Variants in NRG1 observed in about 807,000 individuals in gnomAD.
NRG1 encodes pro-neuregulin-1, membrane-bound isoform.
A neutral mutation model predicts 63.8 loss-of-function variants in NRG1; 18 were observed. That is an observed-to-expected ratio of 0.28 (90% CI 0.19 to 0.42). The LOEUF is 0.42. NRG1 is among the 10% of genes least tolerant of loss of function. The pLI is 1.00. For synonymous variants in NRG1, 302 were observed against 301.3 expected (o/e 1.00, Z -0.02); for missense variants, 762 against 814.7 (o/e 0.94, Z 0.79).
intron 1 of NRG1, among the ~76,000 whole-genome samples, chr8:32,038,474 CAG>C (rs1313593107): frequency 2.0e-5 from 3 of 152,134 alleles, no homozygotes; most frequent in Non-Finnish European, 4.4e-5. Flanking sequence ...CTGCAAGAAA[CAG>C]AACCGAATGA....
At chr8:32,021,349 T>G (rs1816411165) in intron 1 of NRG1, among the ~76,000 whole-genome samples, 1 of 152,178 alleles carries the variant, frequency 6.6e-6, no homozygotes, top group Non-Finnish European at 1.5e-5. Context: ...GATGCAGACA[T>G]GTGTGAAGAG....
At chr8:32,253,126 T>A (rs1849307540) in intron 1 of NRG1, among the ~76,000 whole-genome samples, 1 of 152,212 alleles carries the variant, frequency 6.6e-6, no homozygotes, top group South Asian at 2.1e-4. Context: ...AAATGTACAA[T>A]CATGTCATCT....
At chr8:32,683,384 C>T (rs1288302542) in intron 5 of NRG1, among the ~76,000 whole-genome samples, 2 of 152,120 alleles carry the variant, frequency 1.3e-5, no homozygotes, top group African/African-American at 2.4e-5. Context: ...TGTCAGTCTT[C>T]GGAAATTGAC....
intron 1 of NRG1, among the ~76,000 whole-genome samples, chr8:31,923,203 T>A (rs541452717): frequency 1.3e-5 from 2 of 152,342 alleles, no homozygotes; most frequent in South Asian, 2.1e-4. Flanking sequence ...TAGTTTTTTT[T>A]AAATCACAAG....
At chr8:31,686,785 T>A (rs1808938061) in intron 1 of NRG1, among the ~76,000 whole-genome samples, 1 of 152,180 alleles carries the variant, frequency 6.6e-6, no homozygotes, top group Non-Finnish European at 1.5e-5. Flanking sequence ...TTTTTGTTTT[T>A]TGAGACGGAG....
At chr8:32,142,381 A>G (rs546619884) in intron 1 of NRG1, among the ~76,000 whole-genome samples, 128 of 152,290 alleles carry the variant, frequency 8.4e-4, no homozygotes, top group South Asian at 2.1e-4. Flanking sequence ...TAGACTTCCT[A>G]TGCTATATGA....
At chr8:32,696,847 G>C (rs1813462479) in intron 5 of NRG1, among the ~76,000 whole-genome samples, 1 of 151,724 alleles carries the variant, frequency 6.6e-6, no homozygotes, top group African/African-American at 2.4e-5. Context: ...TTTTAGTAGA[G>C]ACGGGGTTTT....
chr8:32,466,196 A>G (rs1483183644), intron 1 of NRG1, among the ~76,000 whole-genome samples: 1 of 152,096 alleles, frequency 6.6e-6, no homozygotes, highest in Non-Finnish European at 1.5e-5. Context: ...GCATAGTGGT[A>G]TGTTCCTGTA....
At chr8:32,113,477 G>T (rs369936066) in intron 1 of NRG1, among the ~76,000 whole-genome samples, 1 of 152,198 alleles carries the variant, frequency 6.6e-6, no homozygotes, top group East Asian at 1.9e-4. Flanking sequence ...CCATTTCCTT[G>T]GTTCCTCCAG....
intron 1 of NRG1, among the ~76,000 whole-genome samples, chr8:31,944,614 A>G (rs923259883): frequency 6.6e-6 from 1 of 152,204 alleles, no homozygotes; most frequent in Non-Finnish European, 1.5e-5. Flanking sequence ...AAAACAAAAG[A>G]GATGCAAGTG....
chr8:31,822,749 T>C (rs958225070), intron 1 of NRG1, among the ~76,000 whole-genome samples: 1 of 152,320 alleles, frequency 6.6e-6, no homozygotes, highest in African/African-American at 2.4e-5. Flanking sequence ...ACAGTTTGGT[T>C]TTATATGCAG....
chr8:32,562,182 G>A (rs1363181702), intron 1 of NRG1, among the ~76,000 whole-genome samples: 9 of 152,010 alleles, frequency 5.9e-5, no homozygotes, highest in South Asian at 4.1e-4. Flanking sequence ...GGCTAGAAAG[G>A]GACTGAAGAG....
intron 1 of NRG1, among the ~76,000 whole-genome samples, chr8:32,174,607 A>G (rs758106752): frequency 6.6e-6 from 1 of 152,084 alleles, no homozygotes; most frequent in East Asian, 1.9e-4. Flanking sequence ...AAAGAAGAAA[A>G]GAGAAGAATC....
chr8:32,616,504 C>T (rs923668838), intron 4 of NRG1, among the ~76,000 whole-genome samples: 1 of 152,178 alleles, frequency 6.6e-6, no homozygotes, highest in Non-Finnish European at 1.5e-5. Context: ...AAGACCACAT[C>T]TGAAAGAAGG....
intron 1 of NRG1, among the ~76,000 whole-genome samples, chr8:32,354,170 A>C (rs575099002): frequency 3.3e-5 from 5 of 151,892 alleles, no homozygotes; most frequent in Non-Finnish European, 5.9e-5. Context: ...GGAGTTCGAG[A>C]CCCCCCAGGC....
chr8:32,434,400 A>G (rs1486392596), intron 1 of NRG1, among the ~76,000 whole-genome samples: 2 of 152,118 alleles, frequency 1.3e-5, no homozygotes, highest in Non-Finnish European at 2.9e-5. Flanking sequence ...GATTATCCAG[A>G]CTTTATAAAT....
chr8:31,962,564 T>C (rs1805632029), intron 1 of NRG1, among the ~76,000 whole-genome samples: 1 of 152,188 alleles, frequency 6.6e-6, no homozygotes, highest in African/African-American at 2.4e-5. Context: ...AAATGACCTA[T>C]ATGGGACCTT....
intron 1 of NRG1, among the ~76,000 whole-genome samples, chr8:31,745,806 T>C (rs1456976678): frequency 6.6e-6 from 1 of 151,920 alleles, no homozygotes; most frequent in Non-Finnish European, 1.5e-5. Context: ...ATCTTTATTG[T>C]TATCAAGTAA....
intron 1 of NRG1, among the ~76,000 whole-genome samples, chr8:31,791,649 G>A (rs1820722767): frequency 6.6e-6 from 1 of 152,176 alleles, no homozygotes; most frequent in Non-Finnish European, 1.5e-5. Context: ...ATCTTCATGA[G>A]GTTTTCTTGA....
Sources: gnomAD v4.1 joint callset for allele counts (sites outside exome capture counted in the v4.1 genomes callset) on GRCh38, gnomAD v4.1.1 for gene constraint, MANE v1.5 for transcripts, NCBI Gene and HGNC (gene_info 2026-07-23, HGNC 2026-07-21) for gene names.